The following SYT1 variants were observed in gnomAD, a reference collection of about 807,000 sequenced individuals.
The protein encoded by SYT1 is synaptotagmin-1.
Under a neutral mutation model 44.8 loss-of-function variants are expected in SYT1, and 8 were observed. The observed-to-expected ratio is 0.18, with a 90% CI of 0.10 to 0.32. The LOEUF is 0.32. SYT1 is among the 10% of genes least tolerant of loss of function. The pLI is 1.00. For missense variants in SYT1, 286 were observed against 509.3 expected (o/e 0.56, Z 4.22); for synonymous variants, 154 against 188.8 (o/e 0.82, Z 1.51).
At chr12:79,106,101 C>T (rs971439161) in intron 3 of SYT1, among the ~76,000 whole-genome samples, 2 of 152,104 alleles carry the variant, frequency 1.3e-5, no homozygotes, top group African/African-American at 4.8e-5. Context: ...AGACCTGCTG[C>T]TCTGAGATTC....
At position 78,905,950 on chromosome 12, in the gene SYT1, C is replaced by T. The variant is rs1031172029; in HGVS notation, c.-217+40841C>T. On this transcript the variant is annotated intron_variant, in intron 1 of 10. Transcript: ENST00000261205. ...TATTTCATAAACACTGATGAGTTTT[C>T]CCTTCACCGAAGTAACATCAAAATT... 8.6e-5 allele frequency among the ~76,000 whole-genome samples: 13 copies of T among 151,986 alleles called. 1 individual carries two copies. Among genetic ancestry groups the T allele is most frequent in the Non-Finnish European group, 8.8e-5 (6 of 67,998 alleles).
chr12:79,429,808 C>T (rs1045706262), intron 9 of SYT1, among the ~76,000 whole-genome samples: 1 of 152,164 alleles, frequency 6.6e-6, no homozygotes, highest in Non-Finnish European at 1.5e-5. Flanking sequence ...ACATATGGCA[C>T]ATGGACTTGG....
chr12:79,190,743 A>G (rs1053623225), intron 3 of SYT1, among the ~76,000 whole-genome samples: 1 of 152,116 alleles, frequency 6.6e-6, no homozygotes, highest in Non-Finnish European at 1.5e-5. Flanking sequence ...GATGGAGTTA[A>G]AAAGCTTTTC....
intron 4 of SYT1, among the ~76,000 whole-genome samples, chr12:79,225,188 C>T (rs1165262036): frequency 6.7e-6 from 1 of 150,368 alleles, no homozygotes; most frequent in Non-Finnish European, 1.5e-5. Flanking sequence ...CAGGTTGTTG[C>T]AATAATCCGG....
chr12:79,269,409 T>TA (rs1454072211), intron 4 of SYT1, among the ~76,000 whole-genome samples: 2 of 152,152 alleles, frequency 1.3e-5, no homozygotes, highest in Non-Finnish European at 2.9e-5. Flanking sequence ...TCTAAGCTCC[T>TA]AGGGAAAGGG....
At chr12:78,925,379 C>T (rs2137178099) in intron 1 of SYT1, among the ~76,000 whole-genome samples, 1 of 152,052 alleles carries the variant, frequency 6.6e-6, no homozygotes, top group African/African-American at 2.4e-5. Flanking sequence ...ACTCAGAGTA[C>T]ATAGTTCTAA....
At chr12:79,016,953 G>T (rs1204776535) in intron 2 of SYT1, among the ~76,000 whole-genome samples, 1 of 152,090 alleles carries the variant, frequency 6.6e-6, no homozygotes, top group Non-Finnish European at 1.5e-5. Flanking sequence ...CAAAGCATTG[G>T]TCTGTTTAAT....
intron 3 of SYT1, among the ~76,000 whole-genome samples, chr12:79,179,565 A>T (rs1413376584): frequency 6.7e-6 from 1 of 148,340 alleles, no homozygotes; most frequent in Non-Finnish European, 1.5e-5. Context: ...ATAGATTTAG[A>T]TATATAGATA....
At chr12:78,976,729 A>C (rs2137418903) in intron 1 of SYT1, 1 of 152,226 alleles carries the variant, frequency 6.6e-6, no homozygotes, top group African/African-American at 2.4e-5. Flanking sequence ...ACAAAACCTA[A>C]ATTTTTTTTA....
intron 3 of SYT1, among the ~76,000 whole-genome samples, chr12:79,121,278 C>A (rs552733265): frequency 1.3e-3 from 196 of 152,204 alleles, no homozygotes; most frequent in African/African-American, 4.6e-3. Context: ...TCACTTCAAG[C>A]CACCTCCTTC....
intron 9 of SYT1, among the ~76,000 whole-genome samples, chr12:79,435,799 T>C (rs1870055163): frequency 6.6e-6 from 1 of 152,200 alleles, no homozygotes; most frequent in Non-Finnish European, 1.5e-5. Context: ...TTGTATATTG[T>C]ATGTTTAGCA....
chr12:78,865,219 G>C (rs1009439995), intron 1 of SYT1, 110 bp downstream of exon 1: 11 of 152,264 alleles, frequency 7.2e-5, no homozygotes, highest in Admixed American at 5.9e-4. Flanking sequence ...GGGAGTCTGA[G>C]ACCTAGGGAG....
intron 9 of SYT1, among the ~76,000 whole-genome samples, chr12:79,412,524 T>C (rs1038026062): frequency 6.6e-6 from 1 of 152,146 alleles, no homozygotes; most frequent in Non-Finnish European, 1.5e-5. Context: ...AATAATTGCC[T>C]GACCATCATC....
chr12:79,241,627 T>G (rs1398127265), intron 4 of SYT1, among the ~76,000 whole-genome samples: 1 of 152,130 alleles, frequency 6.6e-6, no homozygotes, highest in Non-Finnish European at 1.5e-5. Context: ...GGAAAATGAC[T>G]AAGTACAAAA....
At chr12:78,895,377 T>C (rs117310911) in intron 1 of SYT1, among the ~76,000 whole-genome samples, 5,857 of 151,770 alleles carry the variant, frequency 0.039, 160 homozygotes, top group Non-Finnish European at 0.06. Context: ...TAAAATAATA[T>C]TTGTTTTGGC....
chr12:79,059,931 T>C (rs528890107), intron 3 of SYT1, among the ~76,000 whole-genome samples: 1 of 152,262 alleles, frequency 6.6e-6, no homozygotes, highest in South Asian at 2.1e-4. Context: ...AACTAGCTTA[T>C]ATATTTTGAG....
At chr12:79,010,654 T>C (rs915507783) in intron 2 of SYT1, among the ~76,000 whole-genome samples, 2 of 152,194 alleles carry the variant, frequency 1.3e-5, no homozygotes, top group Admixed American at 1.3e-4. Context: ...GATCTTCTGA[T>C]CTTTTGATTC....
Position 78,910,982 on chromosome 12 carries a change from A to G in SYT1, c.-217+45873A>G, listed in dbSNP as rs536320668. Among the ~76,000 whole-genome samples, 72 of 152,166 alleles carry G rather than the reference A, an allele frequency of 4.7e-4. 1 individual carries two copies. The highest frequency in any genetic ancestry group is 1.7e-3 in the African/African-American group (70 of 41,556). On this transcript the variant is annotated intron_variant, in intron 1 of 10. Coordinates refer to ENST00000261205, the MANE Select transcript of SYT1 (RefSeq NM_005639.3). ...AGAAAAGATCAAAGTAGACATAGCC[A>G]GATCATGCAGGGCCTTTTAGATTAT...
intron 9 of SYT1, among the ~76,000 whole-genome samples, chr12:79,441,914 G>A (rs964616214): frequency 1.2e-4 from 19 of 152,110 alleles, no homozygotes; most frequent in African/African-American, 4.6e-4. Flanking sequence ...TTCTCAATGA[G>A]GACTTTCCTG....
Sources: allele counts gnomAD v4.1 joint callset (sites outside exome capture counted in the v4.1 genomes callset), GRCh38; gene constraint gnomAD v4.1.1; transcripts MANE v1.5; gene names NCBI Gene and HGNC (gene_info 2026-07-23, HGNC 2026-07-21).